Variants in CSMD1 observed in about 807,000 individuals in gnomAD.
The protein encoded by CSMD1 is CUB and sushi domain-containing protein 1.
Under a neutral mutation model 417.5 loss-of-function variants are expected in CSMD1, and 213 were observed. That is an observed-to-expected ratio of 0.51 (90% CI 0.46 to 0.57). CSMD1 has a LOEUF of 0.57. Ranked by LOEUF, CSMD1 falls within the 20% of genes least tolerant of loss-of-function variation. CSMD1 has a pLI of 0.00. For missense variants in CSMD1, 6,923 were observed against 4,529.7 expected (o/e 1.53, Z -15.17); for synonymous variants, 2,862 against 1,736.8 (o/e 1.65, Z -16.11).
At chr8:4,240,252 G>A (rs1333326857) in intron 3 of CSMD1, among the ~76,000 whole-genome samples, 1 of 152,226 alleles carries the variant, frequency 6.6e-6, no homozygotes, top group Admixed American at 6.5e-5. Flanking sequence ...TTCATGAGGG[G>A]CTGGCAGCCT....
chr8:4,846,825 C>CAT (rs2116809630), intron 1 of CSMD1, among the ~76,000 whole-genome samples: 1 of 152,208 alleles, frequency 6.6e-6, no homozygotes, highest in East Asian at 1.9e-4. Context: ...CTATATCTGG[C>CAT]ATATATATGC....
chr8:4,561,349 G>A (rs911108529), intron 2 of CSMD1, among the ~76,000 whole-genome samples: 13 of 152,166 alleles, frequency 8.5e-5, no homozygotes, highest in Admixed American at 2.0e-4. Context: ...ACTCCAGCCC[G>A]GTGACAGAAT....
chr8:4,165,184 T>G (rs991986157), intron 3 of CSMD1, among the ~76,000 whole-genome samples: 12 of 152,158 alleles, frequency 7.9e-5, no homozygotes, highest in African/African-American at 2.9e-4. Context: ...GCCTAGCCAG[T>G]AACTATCAGC....
intron 5 of CSMD1, among the ~76,000 whole-genome samples, chr8:3,849,461 C>A (rs2954221): frequency 0.18 from 27,896 of 152,082 alleles, 2,743 homozygotes; most frequent in East Asian, 0.4. Flanking sequence ...GGCGGTTACT[C>A]CTTTTAGTTA....
chr8:4,737,888 A>G (rs924247359), intron 1 of CSMD1, among the ~76,000 whole-genome samples: 1 of 152,222 alleles, frequency 6.6e-6, no homozygotes, highest in Non-Finnish European at 1.5e-5. Flanking sequence ...AATCCCAGAT[A>G]ATAAGGAAAT....
chr8:3,859,299 T>A (rs1040182081), intron 5 of CSMD1, among the ~76,000 whole-genome samples: 1 of 152,248 alleles, frequency 6.6e-6, no homozygotes, highest in African/African-American at 2.4e-5. Flanking sequence ...CACCTATCCA[T>A]GGCAACCTAC....
chr8:4,731,659 G>A (rs528981141), intron 1 of CSMD1, among the ~76,000 whole-genome samples: 2 of 152,292 alleles, frequency 1.3e-5, no homozygotes, highest in Admixed American at 6.5e-5. Flanking sequence ...CACTTTGCAT[G>A]AGTATCATTT....
At chr8:3,048,252 T>A (rs931711067) in intron 50 of CSMD1, among the ~76,000 whole-genome samples, 2 of 152,308 alleles carry the variant, frequency 1.3e-5, no homozygotes, top group Non-Finnish European at 2.9e-5. Context: ...CTGGGAGATG[T>A]TATTTTAATT....
intron 3 of CSMD1, among the ~76,000 whole-genome samples, chr8:4,306,332 C>T (rs1798243263): frequency 6.6e-6 from 1 of 152,198 alleles, no homozygotes; most frequent in Admixed American, 6.5e-5. Flanking sequence ...TCCATCATCA[C>T]CATTTTTACT....
intron 1 of CSMD1, among the ~76,000 whole-genome samples, chr8:4,960,884 C>G (rs1809431407): frequency 6.6e-6 from 1 of 151,986 alleles, no homozygotes; most frequent in African/African-American, 2.4e-5. Flanking sequence ...TAAAAGATTC[C>G]TCAACTCCTG....
intron 5 of CSMD1, among the ~76,000 whole-genome samples, chr8:3,976,288 G>A (rs1367810473): frequency 6.6e-6 from 1 of 150,858 alleles, no homozygotes; most frequent in Admixed American, 6.6e-5. Context: ...TAGCTGTCAG[G>A]TTATACTTAT....
At chr8:4,357,375 T>C (rs1253552103) in intron 3 of CSMD1, among the ~76,000 whole-genome samples, 1 of 152,186 alleles carries the variant, frequency 6.6e-6, no homozygotes, top group Admixed American at 6.5e-5. Context: ...GCCCACTGTA[T>C]TTCATCAAAT....
intron 8 of CSMD1, among the ~76,000 whole-genome samples, chr8:3,591,547 G>T (rs1482918689): frequency 6.6e-6 from 1 of 152,146 alleles, no homozygotes; most frequent in Non-Finnish European, 1.5e-5. Flanking sequence ...AACAGGAAAT[G>T]GGTTGACTTA....
intron 3 of CSMD1, among the ~76,000 whole-genome samples, chr8:4,408,684 C>G (rs778534715): frequency 2.8e-4 from 43 of 151,986 alleles, no homozygotes; most frequent in Non-Finnish European, 5.6e-4. Context: ...TTCTTGAAAC[C>G]AAGAATAAGC....
intron 21 of CSMD1, among the ~76,000 whole-genome samples, chr8:3,355,181 T>A (rs1051893527): frequency 3.3e-5 from 5 of 151,866 alleles, no homozygotes; most frequent in Non-Finnish European, 5.9e-5. Context: ...GATATATATC[T>A]CACTTTCATT....
chr8:3,390,711 T>G (rs1056381727), intron 17 of CSMD1, among the ~76,000 whole-genome samples: 2 of 152,168 alleles, frequency 1.3e-5, no homozygotes, highest in Non-Finnish European at 2.9e-5. Context: ...ATTTGCTACT[T>G]AATGAATAAA....
At chr8:4,862,431 G>C (rs2116878789) in intron 1 of CSMD1, among the ~76,000 whole-genome samples, 1 of 152,198 alleles carries the variant, frequency 6.6e-6, no homozygotes, top group South Asian at 2.1e-4. Flanking sequence ...TGAACTCTGT[G>C]TTGGGTAGAG....
At chr8:3,954,581 C>T (rs942284799) in intron 5 of CSMD1, among the ~76,000 whole-genome samples, 9 of 152,326 alleles carry the variant, frequency 5.9e-5, no homozygotes, top group African/African-American at 1.9e-4. Flanking sequence ...GTTGCTCAGG[C>T]TGGAACGCCT....
rs554697938 is a variant in CSMD1, at chr8:3,037,669, G to A, written c.7661-8156C>T. 4.6e-5 allele frequency among the ~76,000 whole-genome samples: 7 copies of A among 152,222 alleles called. No individual in the cohort carries two copies. The South Asian group carries it at 1.2e-3, about 27-fold the overall frequency. Reference sequence around the variant, plus strand: ...GGATATGGGATTCTTAAGGACAAAAGTTGTTTTTGGATTTTTGCTTTACCC... The same window carrying A: ...GGATATGGGATTCTTAAGGACAAAAATTGTTTTTGGATTTTTGCTTTACCC... On this transcript the variant is annotated intron_variant, in intron 50 of 69. Transcript: ENST00000635120.
Sources: gnomAD v4.1 joint callset for allele counts (sites outside exome capture counted in the v4.1 genomes callset) on GRCh38, gnomAD v4.1.1 for gene constraint, MANE v1.5 for transcripts, NCBI Gene and HGNC (gene_info 2026-07-23, HGNC 2026-07-21) for gene names.